CTR9: variants seen among roughly 807,000 people sequenced by gnomAD.
CTR9 encodes CTR9 component of Paf1/RNA polymerase II complex, also known as RNA polymerase-associated protein CTR9 homolog.
CTR9 carries 41 observed loss-of-function variants against 152.1 expected under a neutral mutation model. The ratio of observed to expected loss-of-function variants is 0.27; its 90% CI spans 0.21 to 0.35. The LOEUF is 0.35. Among genes scored for constraint, CTR9 ranks in the 10% least tolerant of loss-of-function variants. The pLI, the probability that CTR9 is intolerant of heterozygous loss-of-function variation, is 1.00. For synonymous variants in CTR9, 476 were observed against 496.2 expected (o/e 0.96, Z 0.54); for missense variants, 917 against 1,424.4 (o/e 0.64, Z 5.73).
rs193242845 is a variant in CTR9, at chr11:10,757,617, C to G, written c.592+779C>G. On this transcript the variant is annotated intron_variant, in intron 5 of 24. Transcript: ENST00000361367. Reference sequence around the variant, plus strand: ...TCTGGATAGTAGATTATAATATAATCTTTTTGCCCTATACTATTTTTCTTT... The same window carrying G: ...TCTGGATAGTAGATTATAATATAATGTTTTTGCCCTATACTATTTTTCTTT... 1.4e-4 allele frequency among the ~76,000 whole-genome samples: 22 copies of G among 152,288 alleles called. No individual in the cohort carries two copies. In the East Asian group the frequency reaches 4.2e-3, roughly 29 times the overall value.
At chr11:10,755,930 T>C in intron 4 of CTR9, 135 bp downstream of exon 4, 1 of 551,642 alleles carries the variant, frequency 1.8e-6, no homozygotes, top group Non-Finnish European at 3.3e-6. Context: ...CAAATGAAAT[T>C]ACCTACAACA....
At chr11:10,754,006 A>G (rs1049912083) in intron 2 of CTR9, among the ~76,000 whole-genome samples, 11 of 152,194 alleles carry the variant, frequency 7.2e-5, no homozygotes, top group African/African-American at 2.7e-4. Flanking sequence ...AATTCCTTTC[A>G]TGGTATGTGA....
At position 10,772,620 on chromosome 11, in the gene CTR9, A is replaced by G; in HGVS notation, c.2545A>G (p.Lys849Glu). 2 of 1,609,050 alleles carry G rather than the reference A, an allele frequency of 1.2e-6. No individual in the cohort carries two copies. The highest frequency in any genetic ancestry group is 1.7e-6 in the Non-Finnish European group (2 of 1,178,184). The change falls in exon 20 of 25, where the codon AAG becomes GAG. Residue 849 changes from lysine (K) to glutamate (E), a missense_variant. This residue lies in a region of CTR9 where 384 missense variants were observed against 398.4 expected (regional missense o/e 0.96). Transcript: ENST00000361367. Reference protein sequence around the residue: ...RELRAKQEQEKELLRQKLLKE... With the variant: ...RELRAKQEQEEELLRQKLLKE... ...GCTGCGGGCCAAGCAAGAGCAAGAA[A>G]AGGAGCTGTTAAGGCAGAAACTTCT...
chr11:10,778,173 A>G (rs1440408050), intron 24 of CTR9, among the ~76,000 whole-genome samples: 2 of 152,202 alleles, frequency 1.3e-5, no homozygotes, highest in Admixed American at 1.3e-4. Flanking sequence ...GACAGGAATA[A>G]TGACCTCACT....
At chr11:10,766,165 AGC>A (rs1350340314) in intron 12 of CTR9, among the ~76,000 whole-genome samples, 1 of 152,228 alleles carries the variant, frequency 6.6e-6, no homozygotes, top group South Asian at 2.1e-4. Flanking sequence ...CCAGGGAACT[AGC>A]ATTGGGAGTG....
chr11:10,770,066 C>G, intron 16 of CTR9, 144 bp from the exon 17 acceptor site: 1 of 551,318 alleles, frequency 1.8e-6, no homozygotes, highest in Non-Finnish European at 3.2e-6. Flanking sequence ...AAAAATCATT[C>G]CCCAAATTAT....
chr11:10,760,939 G>C (rs192580180), intron 6 of CTR9, among the ~76,000 whole-genome samples: 84 of 152,254 alleles, frequency 5.5e-4, no homozygotes, highest in Non-Finnish European at 4.4e-4. Context: ...AAAGAGGGAG[G>C]AAAGAGAAAG....
At chr11:10,755,496 A>G (rs184045381) in intron 3 of CTR9, among the ~76,000 whole-genome samples, 182 bp from the exon 4 acceptor site, 1 of 152,214 alleles carries the variant, frequency 6.6e-6, no homozygotes, top group Non-Finnish European at 1.5e-5. Flanking sequence ...GGCACAGAAG[A>G]CTTACATTTC....
chr11:10,760,849 C>T (rs1427007199), intron 6 of CTR9, among the ~76,000 whole-genome samples: 1 of 152,140 alleles, frequency 6.6e-6, no homozygotes, highest in East Asian at 1.9e-4. Context: ...AATGTGCAGC[C>T]TTTCTTCATC....
chr11:10,762,200 T>C (rs544731620), intron 7 of CTR9, 146 bp downstream of exon 7: 23 of 602,604 alleles, frequency 3.8e-5, no homozygotes, highest in African/African-American at 3.2e-4. Flanking sequence ...ATTAGTTACC[T>C]GGGGGTACCT....
Position 10,767,733 on chromosome 11 carries a change from C to G in CTR9, c.1687-73C>G, listed in dbSNP as rs1863081846. On this transcript the variant is annotated intron_variant, in intron 13 of 24. Coordinates refer to ENST00000361367, the MANE Select transcript of CTR9 (RefSeq NM_014633.5). The surrounding 1 kb of genome is among the most constrained non-coding windows in gnomAD (Gnocchi z 4.0). ...GTTTGTAAACCTCTTCAGTAATCAG[C>G]TATTGTGGGAAGATGATTGATCTCT... The G allele has an allele frequency of 7.9e-7, 1 of 1,262,872 alleles. No individual in the cohort carries two copies. Among genetic ancestry groups the G allele is most frequent in the East Asian group, 2.3e-5 (1 of 43,128 alleles). 78.2% of individuals were successfully genotyped at this position (1,262,872 alleles called of 1,614,324 possible).
intron 22 of CTR9, chr11:10,774,439 A>G (rs929822668): frequency 8.9e-5 from 24 of 270,466 alleles, no homozygotes; most frequent in African/African-American, 3.5e-4. Flanking sequence ...TTTATTGGAA[A>G]ACATGTGATT....
chr11:10,761,240 A>C (rs1045377278), intron 6 of CTR9, among the ~76,000 whole-genome samples: 1 of 152,224 alleles, frequency 6.6e-6, no homozygotes, highest in African/African-American at 2.4e-5. Flanking sequence ...CTTAGGCCAG[A>C]GGAAAAGATT....
At chr11:10,765,888 A>G (rs900885564) in intron 12 of CTR9, among the ~76,000 whole-genome samples, 2 of 152,232 alleles carry the variant, frequency 1.3e-5, no homozygotes, top group Admixed American at 1.3e-4. Context: ...GTGAACCATT[A>G]TTGGTTTCCT....
intron 22 of CTR9, 121 bp downstream of exon 22, chr11:10,774,290 T>G: frequency 8.2e-7 from 1 of 1,218,884 alleles, no homozygotes; most frequent in Non-Finnish European, 1.1e-6. Context: ...AAGCTTTTTG[T>G]GCCCCCACTT....
chr11:10,766,558 T>C, intron 13 of CTR9, 68 bp downstream of exon 13: 1 of 1,204,624 alleles, frequency 8.3e-7, no homozygotes, highest in Non-Finnish European at 1.2e-6. Context: ...TAAATCAGTT[T>C]TTCCTTTTAA....
At chr11:10,751,686 G>C (rs571005198) in intron 1 of CTR9, among the ~76,000 whole-genome samples, 1 of 152,298 alleles carries the variant, frequency 6.6e-6, no homozygotes, top group Admixed American at 6.5e-5. Flanking sequence ...GTTCTTGAAA[G>C]TTCCTCTCCA....
chr11:10,761,883 ACTT>A (rs2135365370), intron 6 of CTR9, 61 bp from the exon 7 acceptor site: 1 of 1,062,718 alleles, frequency 9.4e-7, no homozygotes, highest in African/African-American at 1.6e-5. Flanking sequence ...ACTAAAGAAA[ACTT>A]CTTGAAAAGT....
In CTR9 at chr11:10,751,368, T is replaced by C. The variant is rs745632338; in HGVS notation, c.-45T>C. On this transcript the variant is annotated 5_prime_UTR_variant, in exon 1 of 25. Coordinates refer to ENST00000361367, the MANE Select transcript of CTR9 (RefSeq NM_014633.5). ...TTAGCCTGAAGCGGAGACTACCGGC[T>C]GCGGAGCGGCGGGGCGAGACACTTG... 36 of 1,608,766 alleles carry C rather than the reference T, an allele frequency of 2.2e-5. No homozygotes were observed. The South Asian group carries it at 3.8e-4, about 17-fold the overall frequency.
Sources: allele counts gnomAD v4.1 joint callset (sites outside exome capture counted in the v4.1 genomes callset), GRCh38; gene constraint gnomAD v4.1.1; regional missense constraint gnomAD v4.1.1; non-coding constraint Gnocchi (gnomAD v3.1); transcripts MANE v1.5; gene names NCBI Gene and HGNC (gene_info 2026-07-23, HGNC 2026-07-21).